The following ATF7IP variants were observed in gnomAD, a reference collection of about 807,000 sequenced individuals.
ATF7IP encodes the protein activating transcription factor 7 interacting protein, also known as activating transcription factor 7-interacting protein 1.
Under a neutral mutation model 106.4 loss-of-function variants are expected in ATF7IP, and 23 were observed. The ratio of observed to expected loss-of-function variants is 0.22; its 90% CI spans 0.16 to 0.31. ATF7IP has a LOEUF of 0.31. Among genes scored for constraint, ATF7IP ranks in the 10% least tolerant of loss-of-function variants. The pLI is 1.00. For missense variants in ATF7IP, 1,334 were observed against 1,524.3 expected (o/e 0.88, Z 2.08); for synonymous variants, 542 against 539.0 (o/e 1.01, Z -0.08).
At chr12:14,381,951 C>T (rs796456782) in intron 1 of ATF7IP, among the ~76,000 whole-genome samples, 7 of 150,854 alleles carry the variant, frequency 4.6e-5, no homozygotes, top group African/African-American at 1.5e-4. Flanking sequence ...GATTGTAGCG[C>T]TCTTATTTTA....
At chr12:14,488,236 T>C (rs184500360) in intron 13 of ATF7IP, among the ~76,000 whole-genome samples, 2 of 151,812 alleles carry the variant, frequency 1.3e-5, no homozygotes, top group South Asian at 2.1e-4. Flanking sequence ...TTTGTAGATA[T>C]AGTATATTTT....
chr12:14,417,462 AT>A (rs138711723), intron 1 of ATF7IP, among the ~76,000 whole-genome samples: 10 of 149,766 alleles, frequency 6.7e-5, no homozygotes, highest in Admixed American at 1.3e-4. Context: ...GGGTATGAAG[AT>A]TTTTTTTTTA....
At chr12:14,396,164 A>C (rs768269101) in intron 1 of ATF7IP, among the ~76,000 whole-genome samples, 1 of 152,162 alleles carries the variant, frequency 6.6e-6, no homozygotes, top group Non-Finnish European at 1.5e-5. Flanking sequence ...GTAGTGAGGT[A>C]GCTTAGAGTA....
At chr12:14,453,568 GCA>G (rs1943290024) in intron 6 of ATF7IP, among the ~76,000 whole-genome samples, 1 of 150,774 alleles carries the variant, frequency 6.6e-6, no homozygotes, top group African/African-American at 2.4e-5. Context: ...TTTTGTTCAT[GCA>G]CCCTTTTCCT....
intron 10 of ATF7IP, among the ~76,000 whole-genome samples, chr12:14,473,279 T>G (rs1375743943): frequency 1.4e-5 from 1 of 72,010 alleles, no homozygotes; most frequent in South Asian, 5.5e-4. Context: ...TAGCGCGCTC[T>G]CTCTCTCTCT....
chr12:14,460,937 A>G lies in ATF7IP; in HGVS notation c.2601A>G (p.Gly867=), dbSNP rs1475910755. The G allele has an allele frequency of 1.2e-6, 2 of 1,614,054 alleles. No individual in the cohort carries two copies. The highest frequency in any genetic ancestry group is 1.3e-5 in the African/African-American group (1 of 74,924). Residue 867 remains glycine, a synonymous_variant, in exon 9 of 15, where the codon GGA becomes GGG. Coordinates refer to ENST00000261168, the MANE Select transcript of ATF7IP (RefSeq NM_018179.5). ...CTACTGCCAGTGCTGCACCATTGGGAACAACACTTGCTGTGCAGGCTGTTC... is the reference window on the plus strand; with the variant it reads ...CTACTGCCAGTGCTGCACCATTGGGGACAACACTTGCTGTGCAGGCTGTTC... ...RNPTASAAPL[G]TTLAVQAVPT... is the part of the protein sequence containing the mutation.
chr12:14,476,566 G>T (rs1032545317), intron 11 of ATF7IP: 1 of 151,944 alleles, frequency 6.6e-6, no homozygotes, highest in African/African-American at 2.4e-5. Flanking sequence ...AAAAAATCCT[G>T]TAATACTCAT....
Position 14,497,663 on chromosome 12 carries a change from C to A in ATF7IP, c.3403C>A (p.Arg1135Ser), listed in dbSNP as rs138456753. Residue 1135 changes from arginine to serine, a missense_variant, in exon 15 of 15, where the codon CGC (arginine) becomes AGC (serine). Physicochemically the swap from Arg to Ser is moderately radical, Grantham distance 110 (BLOSUM62 -1). Coordinates refer to ENST00000261168, the MANE Select transcript of ATF7IP (RefSeq NM_018179.5). ...TGACCTGTTTCTTCAGGAGCCCCCA[C>A]GCCCCGTGCACCCAGCACCCTTACC... The part of the protein sequence containing the change: ...RPPQVHTEPP[R>S]PVHPAPLPEA... 7.4e-6 allele frequency: 12 copies of A among 1,612,642 alleles called. No homozygotes were observed. In the African/African-American group the frequency reaches 1.2e-4, roughly 16 times the overall value.
intron 13 of ATF7IP, among the ~76,000 whole-genome samples, 186 bp from the exon 14 acceptor site, chr12:14,496,045 A>G (rs1173179031): frequency 6.6e-6 from 1 of 152,180 alleles, no homozygotes; most frequent in African/African-American, 2.4e-5. Flanking sequence ...TGCATGTAAG[A>G]AAGTTTTTTT....
intron 1 of ATF7IP, chr12:14,408,589 GAAGC>G (rs1940737469): frequency 6.6e-6 from 1 of 152,114 alleles, no homozygotes; most frequent in African/African-American, 2.4e-5. Flanking sequence ...TATGTAGTAA[GAAGC>G]AAAGGTAGAT....
At chr12:14,426,904 G>T (rs1941882277) in intron 2 of ATF7IP, among the ~76,000 whole-genome samples, 1 of 149,244 alleles carries the variant, frequency 6.7e-6, no homozygotes, top group African/African-American at 2.5e-5. Context: ...AAAGAGACAG[G>T]CCAGGCCCTT....
At chr12:14,419,550 A>G (rs1941382102) in intron 1 of ATF7IP, among the ~76,000 whole-genome samples, 2 of 152,170 alleles carry the variant, frequency 1.3e-5, no homozygotes, top group South Asian at 4.1e-4. Flanking sequence ...TATACTACTT[A>G]TATTATAAAC....
chr12:14,468,391 G>A (rs1295539769), intron 10 of ATF7IP, among the ~76,000 whole-genome samples: 2 of 150,236 alleles, frequency 1.3e-5, no homozygotes, highest in Non-Finnish European at 1.5e-5. Context: ...CTATAATCCC[G>A]GCACTTTGGG....
chr12:14,497,790 T>C lies in ATF7IP; in HGVS notation c.3530T>C (p.Ile1177Thr). The C allele has an allele frequency of 6.2e-7, 1 of 1,614,112 alleles. No individual in the cohort carries two copies. The highest frequency in any genetic ancestry group is 8.5e-7 in the Non-Finnish European group (1 of 1,180,022). The stretch of plus-strand genomic sequence containing the variant: ...GCACGCGTTCAGAGTCAAAATGGCA[T>C]AGTACTGTCATGGAGTGTCCTGGAG... ...KLARVQSQNG[I>T]VLSWSVLEVD... is the part of the protein sequence containing the mutation. The change falls in exon 15 of 15, where the codon ATA becomes ACA. Residue 1177 changes from isoleucine (I) to threonine (T), a missense_variant. Coordinates refer to ENST00000261168, the MANE Select transcript of ATF7IP (RefSeq NM_018179.5).
In ATF7IP at chr12:14,500,826, G is replaced by T. The variant is rs1471270306; in HGVS notation, c.*2753G>T. The T allele has an allele frequency of 6.6e-6, 1 of 151,994 alleles. No individual in the cohort carries two copies. The highest frequency in any genetic ancestry group is 1.5e-5 in the Non-Finnish European group (1 of 67,990). 9.4% of individuals were successfully genotyped at this position (151,994 alleles called of 1,614,324 possible). ...TAGCCTAGCCTATATTATGTTTTCT[G>T]TCAAAGGAAAACAAATTCTCAAATA... On this transcript the variant is annotated 3_prime_UTR_variant, in exon 15 of 15. Transcript: ENST00000261168.
At chr12:14,384,037 A>T (rs1026790611) in intron 1 of ATF7IP, among the ~76,000 whole-genome samples, 2 of 152,180 alleles carry the variant, frequency 1.3e-5, no homozygotes, top group East Asian at 3.8e-4. Context: ...TAAGTAATTT[A>T]AAAAACTTTT....
intron 13 of ATF7IP, among the ~76,000 whole-genome samples, chr12:14,487,778 A>G (rs984002536): frequency 6.6e-6 from 1 of 152,220 alleles, no homozygotes; most frequent in African/African-American, 2.4e-5. Flanking sequence ...TTGCTTCAGA[A>G]GCCAGGAGAC....
chr12:14,494,333 A>ATATATATATATGTGTG (rs1234871100), intron 13 of ATF7IP, among the ~76,000 whole-genome samples: 6 of 86,032 alleles, frequency 7.0e-5, no homozygotes, highest in East Asian at 4.0e-4. Context: ...ATATATATAT[A>ATATATATATATGTGTG]TGTGTGTGTG....
At chr12:14,438,951 A>G (rs1287912399) in intron 5 of ATF7IP, among the ~76,000 whole-genome samples, 2 of 152,204 alleles carry the variant, frequency 1.3e-5, no homozygotes, top group Non-Finnish European at 2.9e-5. Context: ...AGTACTAAAT[A>G]ATATTTGTTA....
Sources: allele counts gnomAD v4.1 joint callset (sites outside exome capture counted in the v4.1 genomes callset), GRCh38; gene constraint gnomAD v4.1.1; transcripts MANE v1.5; gene names NCBI Gene and HGNC (gene_info 2026-07-23, HGNC 2026-07-21).